EPHA6: variants seen among roughly 807,000 people sequenced by gnomAD.
The protein encoded by EPHA6 is ephrin type-A receptor 6.
EPHA6 carries 50 observed loss-of-function variants against 112.0 expected under a neutral mutation model. That is an observed-to-expected ratio of 0.45 (90% confidence interval 0.36 to 0.56). The LOEUF (loss-of-function observed/expected upper bound fraction) is 0.56. Among genes scored for constraint, EPHA6 ranks in the 20% least tolerant of loss-of-function variants. The pLI is 0.00. For synonymous variants in EPHA6, 529 were observed against 490.7 expected (o/e 1.08, Z -1.03); for missense variants, 1,280 against 1,417.4 (o/e 0.90, Z 1.56).
chr3:97,726,317 C>G (rs539722315), intron 15 of EPHA6, among the ~76,000 whole-genome samples: 4 of 152,240 alleles, frequency 2.6e-5, no homozygotes, highest in African/African-American at 9.6e-5. Flanking sequence ...CTTCACACCA[C>G]AGTTCTACAA....
At chr3:97,203,879 T>C (rs1481543595) in intron 3 of EPHA6, among the ~76,000 whole-genome samples, 1 of 152,178 alleles carries the variant, frequency 6.6e-6, no homozygotes, top group Non-Finnish European at 1.5e-5. Context: ...ATATACCTAA[T>C]GCTAGATGAT....
intron 14 of EPHA6, among the ~76,000 whole-genome samples, chr3:97,656,685 T>C (rs2094139836): frequency 6.6e-6 from 1 of 151,936 alleles, no homozygotes; most frequent in South Asian, 2.1e-4. Context: ...TTTGCAGTCA[T>C]GATTTATTGC....
rs189957885 is a variant in EPHA6 at position 97,512,904 on chromosome 3, T to C, written c.2201-19454T>C. 6.5e-3 allele frequency among the ~76,000 whole-genome samples: 997 copies of C among 152,292 alleles called. 12 individuals are homozygous for C. The highest frequency in any genetic ancestry group is 0.022 in the African/African-American group (917 of 41,558). Reference sequence around the variant, plus strand: ...TTTATTTCCTGACTAAATTCCAAAATGTCTTTTTTTTGCTAGTGCAGACAT... The same window carrying C: ...TTTATTTCCTGACTAAATTCCAAAACGTCTTTTTTTTGCTAGTGCAGACAT... On this transcript the variant is annotated intron_variant, in intron 10 of 17. Transcript: ENST00000389672.
At chr3:97,112,035 A>G (rs937544451) in intron 3 of EPHA6, among the ~76,000 whole-genome samples, 5 of 152,176 alleles carry the variant, frequency 3.3e-5, no homozygotes, top group Non-Finnish European at 5.9e-5. Context: ...TAGCATGAAT[A>G]CATTCACTGT....
chr3:97,443,656 G>T (rs28473005), intron 6 of EPHA6, among the ~76,000 whole-genome samples: 16,287 of 152,074 alleles, frequency 0.11, 2,801 homozygotes, highest in African/African-American at 0.36. Context: ...AATAAAGGCA[G>T]CCTGCATGGA....
intron 6 of EPHA6, among the ~76,000 whole-genome samples, chr3:97,414,433 A>G (rs1577305460): frequency 6.6e-6 from 1 of 152,024 alleles, no homozygotes; most frequent in East Asian, 1.9e-4. Context: ...ACCCTCAAGA[A>G]ATGCATCAAA....
intron 7 of EPHA6, among the ~76,000 whole-genome samples, chr3:97,452,860 G>A (rs1052828702): frequency 6.6e-6 from 1 of 151,366 alleles, no homozygotes; most frequent in Non-Finnish European, 1.5e-5. Flanking sequence ...TATTATTTCT[G>A]AGCTTATTTT....
chr3:97,066,487 G>A (rs1257764584), intron 3 of EPHA6, among the ~76,000 whole-genome samples: 1 of 152,070 alleles, frequency 6.6e-6, no homozygotes, highest in Non-Finnish European at 1.5e-5. Context: ...AAGGTTTTAG[G>A]AAAACTAGAG....
chr3:97,664,242 G>T (rs1257987490), intron 14 of EPHA6, among the ~76,000 whole-genome samples: 3 of 152,122 alleles, frequency 2.0e-5, no homozygotes, highest in Non-Finnish European at 4.4e-5. Context: ...TTAGCCCTTT[G>T]TCAGATGAGT....
rs2036050731 is a variant in EPHA6, at chr3:97,757,382, T to C, written c.*8681T>C. 6.6e-6 allele frequency among the ~76,000 whole-genome samples: 1 copy of C among 151,772 alleles called. No individual in the cohort carries two copies. Among genetic ancestry groups the C allele is most frequent in the African/African-American group, 2.4e-5 (1 of 41,422 alleles). ...AATATCAAAAATAGGAAAAAGTTCA[T>C]TTTAAAAATGTTTTGTAATGGAACA... On this transcript the variant is annotated 3_prime_UTR_variant, in exon 18 of 18. Coordinates refer to ENST00000389672, the MANE Select transcript of EPHA6 (RefSeq NM_001080448.3).
chr3:96,996,133 A>G (rs2043411183), intron 3 of EPHA6, among the ~76,000 whole-genome samples: 2 of 152,132 alleles, frequency 1.3e-5, no homozygotes. Flanking sequence ...ATTCTGTCTC[A>G]AGAAACCACT....
At chr3:96,928,798 G>T (rs943453140) in intron 2 of EPHA6, among the ~76,000 whole-genome samples, 1 of 152,052 alleles carries the variant, frequency 6.6e-6, no homozygotes, top group African/African-American at 2.4e-5. Flanking sequence ...GAATCTGGGT[G>T]CTCCTCTATT....
chr3:97,088,913 GAAGTTTGGGAA>G (rs752728124), intron 3 of EPHA6, among the ~76,000 whole-genome samples: 4 of 152,130 alleles, frequency 2.6e-5, no homozygotes, highest in African/African-American at 7.2e-5. Context: ...AGACGCTAAG[GAAGTTTGGGAA>G]AAGTTTGGGA....
intron 3 of EPHA6, among the ~76,000 whole-genome samples, chr3:97,104,778 T>C (rs2047515466): frequency 6.6e-6 from 1 of 152,130 alleles, no homozygotes; most frequent in South Asian, 2.1e-4. Context: ...GTCTTGGGCT[T>C]TTTTTGGTTG....
At chr3:97,650,986 A>G (rs1437902900) in intron 14 of EPHA6, among the ~76,000 whole-genome samples, 1 of 152,052 alleles carries the variant, frequency 6.6e-6, no homozygotes, top group East Asian at 1.9e-4. Context: ...GTCACTTGCA[A>G]GTGGTTATTT....
intron 6 of EPHA6, among the ~76,000 whole-genome samples, chr3:97,429,645 G>C (rs2089376753): frequency 6.6e-6 from 1 of 150,888 alleles, no homozygotes; most frequent in Non-Finnish European, 1.5e-5. Context: ...TTTATTCAGA[G>C]TCCTTAGTTT....
At chr3:97,291,676 T>G (rs996956701) in intron 5 of EPHA6, among the ~76,000 whole-genome samples, 1 of 152,244 alleles carries the variant, frequency 6.6e-6, no homozygotes, top group African/African-American at 2.4e-5. Context: ...ATCTAATATT[T>G]GTTTTATGTA....
chr3:96,892,544 C>T (rs868272770), intron 2 of EPHA6, among the ~76,000 whole-genome samples: 3 of 152,050 alleles, frequency 2.0e-5, no homozygotes, highest in East Asian at 3.9e-4. Flanking sequence ...CTTATTGTTG[C>T]ATTGACCAGA....
intron 1 of EPHA6, among the ~76,000 whole-genome samples, chr3:96,862,699 T>C (rs1216115807): frequency 6.6e-6 from 1 of 151,904 alleles, no homozygotes; most frequent in Non-Finnish European, 1.5e-5. Context: ...GCTAATTGTT[T>C]TTAAACTAAT....
Sources: allele counts gnomAD v4.1 joint callset (sites outside exome capture counted in the v4.1 genomes callset), GRCh38; gene constraint gnomAD v4.1.1; transcripts MANE v1.5; gene names NCBI Gene and HGNC (gene_info 2026-07-23, HGNC 2026-07-21).